NFIC: variants seen among roughly 807,000 people sequenced by gnomAD.
NFIC encodes nuclear factor 1 C-type.
A neutral mutation model predicts 54.4 loss-of-function variants in NFIC; 12 were observed. The ratio of observed to expected loss-of-function variants is 0.22; its 90% CI spans 0.14 to 0.36. The LOEUF (loss-of-function observed/expected upper bound fraction) is 0.36. Ranked by LOEUF, NFIC falls within the 10% of genes least tolerant of loss-of-function variation. The probability of loss-of-function intolerance (pLI) is 1.00; values close to 1 mark genes in which losing one functional copy is unlikely to be tolerated. For synonymous variants in NFIC, 322 were observed against 319.2 expected, an observed-to-expected ratio of 1.01 and a Z score of -0.09; for missense variants, 575 against 718.2, an observed-to-expected ratio of 0.80 and a Z score of 2.28.
chr19:3,449,000 C>T lies in NFIC; in HGVS notation c.959-14C>T, dbSNP rs1353086895. 6.2e-7 allele frequency: 1 copy of T among 1,610,054 alleles called. No individual in the cohort carries two copies. On this transcript the variant is annotated splice_polypyrimidine_tract_variant and intron_variant, in intron 6 of 10. Coordinates refer to ENST00000443272, the MANE Select transcript of NFIC (RefSeq NM_001245002.2). The stretch of plus-strand genomic sequence containing the variant: ...TGACCAGCCTGTGACTCTCTCGTCC[C>T]ATCCCCTCCACAGGCATCTCGTCCC...
intron 2 of NFIC, among the ~76,000 whole-genome samples, chr19:3,386,468 G>A (rs1314799972): frequency 3.3e-5 from 5 of 151,838 alleles, no homozygotes; most frequent in South Asian, 2.1e-4. Context: ...GATTACAGGC[G>A]AGCGCCACCA....
intron 6 of NFIC, among the ~76,000 whole-genome samples, chr19:3,437,501 CA>C (rs2145639497): frequency 6.6e-6 from 1 of 152,268 alleles, no homozygotes; most frequent in African/African-American, 2.4e-5. Context: ...CTCCATCCCT[CA>C]GGGGACCTGT....
intron 2 of NFIC, among the ~76,000 whole-genome samples, chr19:3,384,695 C>G (rs187318336): frequency 3.9e-5 from 6 of 152,288 alleles, no homozygotes; most frequent in Admixed American, 2.6e-4. Context: ...GGCAGTTACC[C>G]AGTCTTGATC....
intron 1 of NFIC, among the ~76,000 whole-genome samples, chr19:3,360,139 C>T (rs1383093542): frequency 3.4e-5 from 5 of 145,172 alleles, no homozygotes; most frequent in Non-Finnish European, 7.6e-5. Context: ...GTCGCGGCGG[C>T]CCCCGCGGGG....
chr19:3,445,214 C>T lies in NFIC; in HGVS notation c.959-3800C>T, dbSNP rs545152556. 3.3e-5 allele frequency among the ~76,000 whole-genome samples: 5 copies of T among 152,324 alleles called. 1 individual carries two copies. The East Asian group carries it at 9.6e-4, about 29-fold the overall frequency. On this transcript the variant is annotated intron_variant, in intron 6 of 10. Transcript: ENST00000443272. ...GCATGTATTCACATGCACACACACA[C>T]GTGCACAGGCATACACATGCACACA... is the stretch of plus-strand genomic sequence containing the variant.
intron 2 of NFIC, among the ~76,000 whole-genome samples, chr19:3,416,595 C>T (rs1365450995): frequency 1.3e-5 from 2 of 151,454 alleles, no homozygotes; most frequent in African/African-American, 2.4e-5. Flanking sequence ...GATCTCGGCT[C>T]ACTGCAACCT....
At chr19:3,438,280 G>C (rs573274511) in intron 6 of NFIC, among the ~76,000 whole-genome samples, 4,377 of 131,576 alleles carry the variant, frequency 0.033, 86 homozygotes, top group Middle Eastern at 0.058. Flanking sequence ...GGTAGCAATG[G>C]GGGGAGGACA....
intron 6 of NFIC, among the ~76,000 whole-genome samples, chr19:3,440,284 A>AC (rs577673306): frequency 3.3e-5 from 5 of 151,566 alleles, no homozygotes; most frequent in Non-Finnish European, 5.9e-5. Context: ...TGTCAGGAGC[A>AC]CCCCCCAGTG....
At chr19:3,366,412 A>C, upstream of NFIC, 1 of 456,512 alleles carries the variant, frequency 2.2e-6, no homozygotes, top group Non-Finnish European at 3.9e-6. Context: ...GGAGAGAGGA[A>C]GAGAGAGACG....
chr19:3,437,653 A>G (rs2082225520), intron 6 of NFIC, among the ~76,000 whole-genome samples: 1 of 151,416 alleles, frequency 6.6e-6, no homozygotes, highest in Admixed American at 6.6e-5. Flanking sequence ...AAAAAAGAAA[A>G]AAAAAGTCAC....
intron 6 of NFIC, among the ~76,000 whole-genome samples, chr19:3,445,074 C>T (rs975557852): frequency 7.2e-5 from 11 of 152,088 alleles, no homozygotes; most frequent in Non-Finnish European, 1.2e-4. Context: ...CATATGCAGG[C>T]GTGCACACGT....
intron 2 of NFIC, among the ~76,000 whole-genome samples, chr19:3,387,117 C>A (rs1408438964): frequency 1.3e-5 from 2 of 152,332 alleles, no homozygotes; most frequent in Non-Finnish European, 1.5e-5. Flanking sequence ...GGCATAGGGC[C>A]TTGGCTGGCC....
intron 1 of NFIC, among the ~76,000 whole-genome samples, chr19:3,378,354 C>A (rs10415008): frequency 0.094 from 14,254 of 152,126 alleles, 1,428 homozygotes; most frequent in East Asian, 0.25. Flanking sequence ...CCTCAGCCTC[C>A]CAAAGTTCTG....
At chr19:3,376,428 C>CAAAAAAAAAAA (rs35724239) in intron 1 of NFIC, among the ~76,000 whole-genome samples, 2 of 48,170 alleles carry the variant, frequency 4.2e-5, no homozygotes, top group Non-Finnish European at 7.3e-5. Context: ...GACACTGTCT[C>CAAAAAAAAAAA]AAAAAAAAAA....
chr19:3,404,072 C>A (rs1250072683), intron 2 of NFIC, among the ~76,000 whole-genome samples: 2 of 150,558 alleles, frequency 1.3e-5, no homozygotes, highest in Non-Finnish European at 3.0e-5. Flanking sequence ...CATGGGGACG[C>A]GTGCGTGTGC....
rs535849852 is a variant in NFIC at position 3,465,821 on chromosome 19, T to C, written c.*3052T>C. 3.9e-5 allele frequency: 6 copies of C among 152,430 alleles called. No individual in the cohort carries two copies. Among genetic ancestry groups the C allele is most frequent in the African/African-American group, 1.2e-4 (5 of 41,570 alleles). 9.4% of individuals were successfully genotyped at this position (152,430 alleles called of 1,614,324 possible). ...CCCGCTCCCCACTTTTCATGCAGGC[T>C]GGCATACCCCTGGCTCAGGGTCAAA... is the stretch of plus-strand genomic sequence containing the variant. On this transcript the variant is annotated 3_prime_UTR_variant, in exon 11 of 11. Coordinates refer to ENST00000443272, the MANE Select transcript of NFIC (RefSeq NM_001245002.2).
Position 3,450,475 on chromosome 19 carries a change from G to A in NFIC, c.1084+1336G>A, listed in dbSNP as rs542747904. ...GTTCAAGACCAGCCTGGACAACATG[G>A]TGAAATCTCGTTTCTACTAAAATAC... is the stretch of plus-strand genomic sequence containing the variant. On this transcript the variant is annotated intron_variant, in intron 7 of 10. Coordinates refer to ENST00000443272, the MANE Select transcript of NFIC (RefSeq NM_001245002.2). Among the ~76,000 whole-genome samples, 253 of 152,186 alleles carry A rather than the reference G, an allele frequency of 1.7e-3. 1 individual carries two copies. Among genetic ancestry groups the A allele is most frequent in the African/African-American group, 5.9e-3 (246 of 41,542 alleles).
intron 2 of NFIC, among the ~76,000 whole-genome samples, chr19:3,385,520 G>A (rs960455260): frequency 9.3e-5 from 14 of 149,838 alleles, no homozygotes; most frequent in Admixed American, 4.0e-4. Context: ...GGATTGGTTT[G>A]TTTGTTTGTT....
intron 6 of NFIC, among the ~76,000 whole-genome samples, chr19:3,440,816 T>C (rs34236302): frequency 0.31 from 46,970 of 152,066 alleles, 8,249 homozygotes; most frequent in East Asian, 0.75. Context: ...CCACTGCGCC[T>C]GGCCTTTTTT....
Sources: allele counts gnomAD v4.1 joint callset (sites outside exome capture counted in the v4.1 genomes callset), GRCh38; gene constraint gnomAD v4.1.1; transcripts MANE v1.5; gene names NCBI Gene and HGNC (gene_info 2026-07-23, HGNC 2026-07-21).